The following MAML2 variants were observed in gnomAD, a reference collection of about 807,000 sequenced individuals.
MAML2 encodes the protein mastermind-like protein 2.
MAML2 carries 22 observed loss-of-function variants against 96.1 expected under a neutral mutation model. That is an observed-to-expected ratio of 0.23 (90% CI 0.16 to 0.33). The LOEUF (loss-of-function observed/expected upper bound fraction) is 0.33. MAML2 is among the 10% of genes least tolerant of loss of function. The probability of loss-of-function intolerance (pLI) is 1.00; values close to 1 mark genes in which losing one functional copy is unlikely to be tolerated. For missense variants in MAML2, 1,367 were observed against 1,392.4 expected (o/e 0.98, Z 0.29); for synonymous variants, 561 against 521.3 (o/e 1.08, Z -1.04).
intron 1 of MAML2, among the ~76,000 whole-genome samples, chr11:96,096,049 C>G (rs1859820987): frequency 6.6e-6 from 1 of 152,140 alleles, no homozygotes; most frequent in African/African-American, 2.4e-5. Context: ...AGAGAGTCAG[C>G]CATGTTGCTT....
At chr11:95,991,974 C>T (rs1209735766) in intron 2 of MAML2, among the ~76,000 whole-genome samples, 1 of 152,106 alleles carries the variant, frequency 6.6e-6, no homozygotes, top group African/African-American at 2.4e-5. Flanking sequence ...ATTGTGGAAC[C>T]TCCACATTCC....
chr11:96,239,180 A>C (rs2135959440), intron 1 of MAML2, among the ~76,000 whole-genome samples: 1 of 152,336 alleles, frequency 6.6e-6, no homozygotes, highest in East Asian at 1.9e-4. Flanking sequence ...CCATAAAGTA[A>C]ATGTGGTGCT....
chr11:96,238,531 T>C (rs1024085702), intron 1 of MAML2, among the ~76,000 whole-genome samples: 22 of 152,266 alleles, frequency 1.4e-4, no homozygotes, highest in African/African-American at 4.1e-4. Flanking sequence ...GTTTTCACTT[T>C]GCAAACTCCC....
At chr11:96,202,893 G>A (rs1861846273) in intron 1 of MAML2, among the ~76,000 whole-genome samples, 1 of 152,106 alleles carries the variant, frequency 6.6e-6, no homozygotes, top group Admixed American at 6.5e-5. Context: ...CTCCCAAAGT[G>A]CTCAGATTAC....
intron 1 of MAML2, among the ~76,000 whole-genome samples, chr11:96,270,427 A>T (rs932790887): frequency 2.6e-5 from 4 of 152,160 alleles, no homozygotes; most frequent in Non-Finnish European, 5.9e-5. Flanking sequence ...GTCCTGACTC[A>T]GCCTCCCGAA....
chr11:96,292,458 A>G (rs1863226774), intron 1 of MAML2, among the ~76,000 whole-genome samples: 1 of 152,196 alleles, frequency 6.6e-6, no homozygotes, highest in Non-Finnish European at 1.5e-5. Context: ...AGTGTATGCT[A>G]TTATCCCATT....
intron 1 of MAML2, among the ~76,000 whole-genome samples, chr11:96,098,299 C>G (rs1042266942): frequency 2.0e-5 from 3 of 152,180 alleles, no homozygotes; most frequent in Non-Finnish European, 4.4e-5. Flanking sequence ...TGAACCATAT[C>G]CTATCAAATC....
Position 96,240,559 on chromosome 11 carries a change from A to AC in MAML2, c.513+100823_513+100824insG, listed in dbSNP as rs1306876318. ...GGCGACAGAGCGAGACTCCGTCTCA[A>AC]AAAAAAAAAAAAAAAAAAAAAAAAG... On this transcript the variant is annotated intron_variant, in intron 1 of 4. Transcript: ENST00000524717. Among the ~76,000 whole-genome samples the AC allele has an allele frequency of 8.2e-4, 90 of 109,416 alleles. 5 individuals are homozygous for AC. The highest frequency in any genetic ancestry group is 1.4e-3 in the Admixed American group (16 of 11,400). The allele number at this position is 109,416 out of a possible 152,430, so 71.8% of individuals were successfully genotyped here.
chr11:96,126,576 T>C (rs1270312921), intron 1 of MAML2, among the ~76,000 whole-genome samples: 1 of 151,874 alleles, frequency 6.6e-6, no homozygotes, highest in Non-Finnish European at 1.5e-5. Flanking sequence ...AACAAAAAAA[T>C]AGAATAGTAG....
intron 2 of MAML2, among the ~76,000 whole-genome samples, chr11:96,090,320 T>A (rs1026186740): frequency 1.3e-5 from 2 of 152,220 alleles, no homozygotes; most frequent in Non-Finnish European, 2.9e-5. Flanking sequence ...TGGTGATTTA[T>A]GGCTCTTTCC....
chr11:96,014,076 C>T (rs1858306464), intron 2 of MAML2, among the ~76,000 whole-genome samples: 1 of 152,184 alleles, frequency 6.6e-6, no homozygotes, highest in Non-Finnish European at 1.5e-5. Flanking sequence ...CACAGCCTGC[C>T]TGTATGTATG....
intron 1 of MAML2, among the ~76,000 whole-genome samples, chr11:96,143,250 T>G (rs920606760): frequency 8.5e-5 from 13 of 152,210 alleles, no homozygotes; most frequent in Admixed American, 6.5e-5. Flanking sequence ...ACAAATGGGA[T>G]TCTTCCTGTA....
chr11:96,104,252 A>C (rs10765788), intron 1 of MAML2, among the ~76,000 whole-genome samples: 49,073 of 152,088 alleles, frequency 0.32, 8,252 homozygotes, highest in Middle Eastern at 0.45. Context: ...TCTCATTCTT[A>C]ATATAATCCA....
At position 95,978,267 on chromosome 11, in the gene MAML2, C is replaced by T. The variant is rs1857678435; in HGVS notation, c.*681G>A. 4.9e-6 allele frequency: 1 copy of T among 205,190 alleles called. No individual in the cohort carries two copies. Among genetic ancestry groups the T allele is most frequent in the African/African-American group, 2.3e-5 (1 of 43,792 alleles). 12.7% of individuals were successfully genotyped at this position (205,190 alleles called of 1,614,324 possible). On this transcript the variant is annotated 3_prime_UTR_variant, in exon 5 of 5. Transcript: ENST00000524717. ...AGATATTCGTTGTGGAAGCCAAAAT[C>T]AAATTGCACAGCTCTATATTTTTGT...
chr11:96,254,476 T>C (rs914602818), intron 1 of MAML2, among the ~76,000 whole-genome samples: 2 of 151,790 alleles, frequency 1.3e-5, no homozygotes, highest in African/African-American at 4.8e-5. Context: ...GTAAAATCTT[T>C]GGGATCTTTT....
chr11:96,233,858 G>T (rs1591087013), intron 1 of MAML2, among the ~76,000 whole-genome samples: 2 of 152,254 alleles, frequency 1.3e-5, no homozygotes, highest in Admixed American at 1.3e-4. Flanking sequence ...GAATGAAGAA[G>T]AACAAGAGGA....
intron 2 of MAML2, among the ~76,000 whole-genome samples, chr11:96,004,636 T>C (rs1392572370): frequency 6.6e-6 from 1 of 152,200 alleles, no homozygotes; most frequent in East Asian, 1.9e-4. Context: ...CTTTTGTAGT[T>C]AGAATGTCTG....
At chr11:96,073,289 A>G (rs1859375965) in intron 2 of MAML2, among the ~76,000 whole-genome samples, 1 of 150,186 alleles carries the variant, frequency 6.7e-6, no homozygotes, top group Admixed American at 6.6e-5. Context: ...AAAAATTAGA[A>G]TTCCTTGTTG....
rs187353615 is a variant in MAML2 at position 96,238,304 on chromosome 11, A to G, written c.513+103079T>C. Reference sequence around the variant, plus strand: ...AGGAGAGCAATATTAAGCTCATCAGACACAAAACAAAACTGAGCCAAGGTG... The same window carrying G: ...AGGAGAGCAATATTAAGCTCATCAGGCACAAAACAAAACTGAGCCAAGGTG... On this transcript the variant is annotated intron_variant, in intron 1 of 4. Coordinates refer to ENST00000524717, the MANE Select transcript of MAML2 (RefSeq NM_032427.4). Among the ~76,000 whole-genome samples the G allele has an allele frequency of 2.6e-5, 4 of 152,358 alleles. No individual in the cohort carries two copies. In the East Asian group the frequency reaches 7.7e-4, roughly 29 times the overall value.
Sources: allele counts gnomAD v4.1 joint callset (sites outside exome capture counted in the v4.1 genomes callset), GRCh38; gene constraint gnomAD v4.1.1; transcripts MANE v1.5; gene names NCBI Gene and HGNC (gene_info 2026-07-23, HGNC 2026-07-21).